ST3GAL5: variants seen among roughly 807,000 people sequenced by gnomAD.
ST3GAL5 encodes lactosylceramide alpha-2,3-sialyltransferase.
Under a neutral mutation model 46.1 loss-of-function variants are expected in ST3GAL5, and 25 were observed. The observed-to-expected ratio is 0.54, with a 90% confidence interval of 0.40 to 0.76. The LOEUF (loss-of-function observed/expected upper bound fraction) is 0.76. ST3GAL5 is among the 30% of genes least tolerant of loss of function. The pLI is 0.00. For synonymous variants in ST3GAL5, 182 were observed against 192.7 expected (o/e 0.94, Z 0.46); for missense variants, 431 against 521.2 (o/e 0.83, Z 1.69).
chr2:85,862,482 C>A (rs1684830942), intron 2 of ST3GAL5, among the ~76,000 whole-genome samples: 1 of 149,426 alleles, frequency 6.7e-6, no homozygotes, highest in African/African-American at 2.4e-5. Flanking sequence ...AGTGCATACA[C>A]TTCCCTTATT....
At chr2:85,850,276 T>C (rs1683334887) in intron 3 of ST3GAL5, 1 of 152,252 alleles carries the variant, frequency 6.6e-6, no homozygotes, top group South Asian at 2.1e-4. Flanking sequence ...CTATGGCACC[T>C]TGCAAGACGA....
chr2:85,860,424 T>C (rs1310320685), intron 3 of ST3GAL5, among the ~76,000 whole-genome samples: 1 of 152,236 alleles, frequency 6.6e-6, no homozygotes, highest in Non-Finnish European at 1.5e-5. Context: ...GGGCTAAATG[T>C]TATCAGATAA....
chr2:85,851,390 G>A lies in ST3GAL5; in HGVS notation c.319-3186C>T, dbSNP rs138175773. 243 of 1,184,098 alleles carry A rather than the reference G, an allele frequency of 2.1e-4. No homozygotes were observed. The African/African-American group carries it at 3.6e-3, about 18-fold the overall frequency. The allele number at this position is 1,184,098 out of a possible 1,614,324, so 73.3% of individuals were successfully genotyped here. Reference sequence around the variant, plus strand: ...TCCTTGTCCTCTTTTGTTTCAACTCGTTTAACAGATCTCCACTGATTGCCT... The same window carrying A: ...TCCTTGTCCTCTTTTGTTTCAACTCATTTAACAGATCTCCACTGATTGCCT... On this transcript the variant is annotated intron_variant, in intron 3 of 6. Transcript: ENST00000638572.
intron 3 of ST3GAL5, among the ~76,000 whole-genome samples, chr2:85,859,037 G>C (rs914485160): frequency 6.6e-6 from 1 of 152,174 alleles, no homozygotes; most frequent in Non-Finnish European, 1.5e-5. Flanking sequence ...ACAGGCAGCC[G>C]GGGCACAGGT....
chr2:85,851,701 G>A (rs1223923666), intron 3 of ST3GAL5: 1 of 1,289,406 alleles, frequency 7.8e-7, no homozygotes, highest in Non-Finnish European at 1.0e-6. Flanking sequence ...GCACCTTCAG[G>A]AGCTGCAATG....
At chr2:85,878,531 T>C (rs1051008721) in intron 1 of ST3GAL5, among the ~76,000 whole-genome samples, 4 of 146,206 alleles carry the variant, frequency 2.7e-5, no homozygotes, top group Non-Finnish European at 6.0e-5. Context: ...ATTCATAACA[T>C]ACAATGGTCG....
At chr2:85,859,853 GT>G (rs565163881) in intron 3 of ST3GAL5, among the ~76,000 whole-genome samples, 238 of 152,282 alleles carry the variant, frequency 1.6e-3, no homozygotes, top group Non-Finnish European at 2.6e-3. Context: ...CCTGCCTAGG[GT>G]TTCACCATTA....
intron 1 of ST3GAL5, among the ~76,000 whole-genome samples, chr2:85,869,565 G>A (rs1573677424): frequency 1.3e-5 from 2 of 152,032 alleles, no homozygotes; most frequent in Admixed American, 6.6e-5. Context: ...TCTTTAGTAT[G>A]GGACAAAAAT....
At chr2:85,859,972 G>T (rs147979454) in intron 3 of ST3GAL5, among the ~76,000 whole-genome samples, 1 of 152,252 alleles carries the variant, frequency 6.6e-6, no homozygotes, top group African/African-American at 2.4e-5. Flanking sequence ...TAACCAGGCA[G>T]AGAGCAGAGT....
rs745571008 is a variant in ST3GAL5 at position 85,839,207 on chromosome 2, A to AC, written c.*936dup. On this transcript the variant is annotated 3_prime_UTR_variant, in exon 7 of 7. Transcript: ENST00000638572. ...TAAACTGGCACACTGCCTGGTATACACCGCCAGGTAGGCATTCAGAAAAGT... is the reference window on the plus strand; with the variant it reads ...TAAACTGGCACACTGCCTGGTATACACCCGCCAGGTAGGCATTCAGAAAAGT... 17 of 152,236 alleles carry AC rather than the reference A, an allele frequency of 1.1e-4. No homozygotes were observed. The highest frequency in any genetic ancestry group is 1.8e-4 in the Non-Finnish European group (12 of 68,042). The allele number at this position is 152,236 out of a possible 1,614,324, so 9.4% of individuals were successfully genotyped here.
At chr2:85,874,416 TCTCACA>T (rs1686292771) in intron 1 of ST3GAL5, among the ~76,000 whole-genome samples, 1 of 152,052 alleles carries the variant, frequency 6.6e-6, no homozygotes, top group Non-Finnish European at 1.5e-5. Context: ...CTTCCACCTA[TCTCACA>T]CTCTCCTCCT....
Position 85,852,765 on chromosome 2 carries a change from G to C in ST3GAL5, c.319-4561C>G, listed in dbSNP as rs941211771. The C allele has an allele frequency of 1.3e-5, 9 of 688,840 alleles. No homozygotes were observed. The Admixed American group carries it at 2.3e-4, about 18-fold the overall frequency. 42.7% of individuals were successfully genotyped at this position (688,840 alleles called of 1,614,324 possible). On this transcript the variant is annotated intron_variant, in intron 3 of 6. Coordinates refer to ENST00000638572, the MANE Select transcript of ST3GAL5 (RefSeq NM_003896.4). ...CTGTTAGAAAAAAAAATAATCAGGA[G>C]ATCTGGAGGCTGGACTCAGTTCTAG...
At chr2:85,863,571 T>C (rs1684958087) in intron 1 of ST3GAL5, 86 bp from the exon 2 acceptor site, 2 of 1,443,422 alleles carry the variant, frequency 1.4e-6, no homozygotes, top group Non-Finnish European at 1.9e-6. Flanking sequence ...AGCCTTTATA[T>C]GTTGCATCCA....
intron 4 of ST3GAL5, chr2:85,847,448 T>C (rs1682929986): frequency 2.0e-6 from 2 of 1,011,674 alleles, no homozygotes; most frequent in South Asian, 8.1e-5. Flanking sequence ...AACCATTTTG[T>C]GTTTTTGTTT....
intron 4 of ST3GAL5, 42 bp downstream of exon 4, chr2:85,847,818 CA>C: frequency 6.2e-7 from 1 of 1,604,610 alleles, no homozygotes; most frequent in Non-Finnish European, 8.5e-7. Context: ...AAAATAAAAA[CA>C]ATAAAAATAA....
chr2:85,850,087 A>G (rs1244191221), intron 3 of ST3GAL5: 1 of 152,154 alleles, frequency 6.6e-6, no homozygotes, highest in Non-Finnish European at 1.5e-5. Flanking sequence ...CTATCCTATT[A>G]TAACAGAGAT....
At chr2:85,846,324 A>G (rs2103948274) in intron 5 of ST3GAL5, 53 bp downstream of exon 5, 1 of 1,528,040 alleles carries the variant, frequency 6.5e-7, no homozygotes, top group Middle Eastern at 2.1e-4. Flanking sequence ...ACAACTAAGT[A>G]AGACTCCTTC....
intron 1 of ST3GAL5, among the ~76,000 whole-genome samples, chr2:85,885,102 C>T (rs934141071): frequency 2.6e-5 from 4 of 152,128 alleles, no homozygotes; most frequent in Non-Finnish European, 5.9e-5. Flanking sequence ...TCTTACATGG[C>T]CTCAAAAACC....
At chr2:85,844,255 G>A in intron 6 of ST3GAL5, 141 bp downstream of exon 6, 1 of 1,058,398 alleles carries the variant, frequency 9.4e-7, no homozygotes, top group Non-Finnish European at 1.4e-6. Context: ...GTGCAGAGTG[G>A]TAAACACACA....
Sources: allele counts gnomAD v4.1 joint callset (sites outside exome capture counted in the v4.1 genomes callset), GRCh38; gene constraint gnomAD v4.1.1; transcripts MANE v1.5; gene names NCBI Gene and HGNC (gene_info 2026-07-23, HGNC 2026-07-21).